The following DNAH17 variants were observed in gnomAD, a reference collection of about 807,000 sequenced individuals.
DNAH17 encodes dynein axonemal heavy chain 17, also known as axonemal beta dynein heavy chain 17.
A neutral mutation model predicts 485.6 loss-of-function variants in DNAH17; 376 were observed. That is an observed-to-expected ratio of 0.77 (90% CI 0.71 to 0.84). The LOEUF (loss-of-function observed/expected upper bound fraction) is 0.84, where lower values mean the gene tolerates loss of function less well. DNAH17 is among the 40% of genes least tolerant of loss of function. DNAH17 has a pLI of 0.00. For missense variants in DNAH17, 6,370 were observed against 5,839.3 expected (o/e 1.09, Z -2.96); for synonymous variants, 3,031 against 2,405.9 (o/e 1.26, Z -7.60).
intron 75 of DNAH17, among the ~76,000 whole-genome samples, chr17:78,430,930 G>C (rs2086648473): frequency 6.6e-6 from 1 of 152,032 alleles, no homozygotes; most frequent in African/African-American, 2.4e-5. Context: ...TCCCAGGCTG[G>C]AGTGCAGTGG....
In DNAH17 at chr17:78,503,527, C is replaced by T. The variant is rs545470446; in HGVS notation, c.4957-516G>A. On this transcript the variant is annotated intron_variant, in intron 31 of 80. Coordinates refer to ENST00000389840, the MANE Select transcript of DNAH17 (RefSeq NM_173628.4). ...ATTGAGATAGGATCTCGCTCTGCTG[C>T]CCCGGCTGCTGTGCAGTAACTGCAG... Among the ~76,000 whole-genome samples, 11 of 152,062 alleles carry T rather than the reference C, an allele frequency of 7.2e-5. No homozygotes were observed. In the South Asian group the frequency reaches 2.3e-3, roughly 32 times the overall value.
intron 16 of DNAH17, among the ~76,000 whole-genome samples, chr17:78,548,482 G>C (rs1045916893): frequency 9.8e-5 from 15 of 152,292 alleles, no homozygotes; most frequent in Admixed American, 7.2e-4. Flanking sequence ...GGGATTACAC[G>C]CATGAGCCAC....
In DNAH17 at chr17:78,426,567, G is replaced by C. The variant is rs752698632; in HGVS notation, c.12805C>G (p.Leu4269Val). ...ELTITTDVED[L>V]STALFYDTVP... is the part of the protein sequence containing the mutation. ...GTGTCATAGAAGAGAGCCGTGGACA[G>C]ATCTTCCACGTCGGTCGTGATGGTC... The change falls in exon 79 of 81, where the codon CTG becomes GTG. Residue 4269 changes from leucine (L) to valine (V), a missense_variant. Coordinates refer to ENST00000389840, the MANE Select transcript of DNAH17 (RefSeq NM_173628.4). 1.2e-5 allele frequency: 19 copies of C among 1,612,508 alleles called. No individual in the cohort carries two copies. Among genetic ancestry groups the C allele is most frequent in the East Asian group, 2.2e-5 (1 of 44,816 alleles).
intron 44 of DNAH17, among the ~76,000 whole-genome samples, chr17:78,489,050 G>A (rs549895329): frequency 1.6e-4 from 25 of 152,268 alleles, no homozygotes; most frequent in African/African-American, 5.3e-4. Flanking sequence ...TTCAGCAGCT[G>A]GAGAATGCTG....
At chr17:78,465,299 G>A (rs1270016216) in intron 56 of DNAH17, among the ~76,000 whole-genome samples, 7 of 151,548 alleles carry the variant, frequency 4.6e-5, no homozygotes, top group Admixed American at 3.9e-4. Flanking sequence ...CCTCCCAGCT[G>A]CCTGCCTTGG....
chr17:78,459,237 G>A (rs763898872), intron 60 of DNAH17, 29 bp from the exon 61 acceptor site: 52 of 1,604,396 alleles, frequency 3.2e-5, no homozygotes, highest in East Asian at 2.2e-4. Context: ...GGCCGGAGTC[G>A]TCACCCTGTC....
At chr17:78,432,909 C>CT (rs144054689) in intron 75 of DNAH17, among the ~76,000 whole-genome samples, 13 of 120,662 alleles carry the variant, frequency 1.1e-4, no homozygotes, top group East Asian at 2.7e-4. Context: ...CGTGCCCCCC[C>CT]CCCCCGACCC....
chr17:78,537,191 G>GAAA, intron 19 of DNAH17, 108 bp downstream of exon 19: 2 of 1,175,410 alleles, frequency 1.7e-6, no homozygotes, highest in African/African-American at 3.3e-5. Flanking sequence ...AAAAAAAAAA[G>GAAA]AAAAAAAGAA....
chr17:78,464,774 C>A (rs967671727), intron 56 of DNAH17, among the ~76,000 whole-genome samples: 3 of 152,318 alleles, frequency 2.0e-5, no homozygotes, highest in Non-Finnish European at 2.9e-5. Context: ...GGCCCTGGAG[C>A]CTTGGCTGCG....
chr17:78,488,987 C>A (rs776325036), intron 44 of DNAH17, among the ~76,000 whole-genome samples: 1 of 152,110 alleles, frequency 6.6e-6, no homozygotes, highest in Non-Finnish European at 1.5e-5. Flanking sequence ...GCCTCCAGCA[C>A]TGGGAGAGGA....
At chr17:78,487,026 G>C (rs1163337622) in intron 44 of DNAH17, among the ~76,000 whole-genome samples, 2 of 141,182 alleles carry the variant, frequency 1.4e-5, no homozygotes, top group African/African-American at 2.6e-5. Context: ...GTTAGTTTGA[G>C]TTGAATTTGC....
chr17:78,494,465 A>G, intron 40 of DNAH17, 128 bp downstream of exon 40: 1 of 1,124,586 alleles, frequency 8.9e-7, no homozygotes, highest in Non-Finnish European at 1.3e-6. Context: ...GCTGTGGCTC[A>G]GAGGTCTCTT....
At chr17:78,525,835 A>T (rs1306181745) in intron 24 of DNAH17, among the ~76,000 whole-genome samples, 1 of 152,250 alleles carries the variant, frequency 6.6e-6, no homozygotes, top group Non-Finnish European at 1.5e-5. Flanking sequence ...TGGCTTGAGG[A>T]ATGCGACATG....
chr17:78,455,567 TC>T, intron 63 of DNAH17, 76 bp downstream of exon 63: 1 of 1,161,440 alleles, frequency 8.6e-7, no homozygotes, highest in Non-Finnish European at 1.2e-6. Flanking sequence ...CCTCAAGTAA[TC>T]CGCCCGCCTC....
At chr17:78,512,639 T>C (rs1331109429) in intron 26 of DNAH17, among the ~76,000 whole-genome samples, 5 of 152,072 alleles carry the variant, frequency 3.3e-5, no homozygotes, top group African/African-American at 1.2e-4. Flanking sequence ...CTACCAAGAA[T>C]GATAGAAGTT....
At chr17:78,476,815 A>C in intron 51 of DNAH17, 82 bp from the exon 52 acceptor site, 1 of 1,494,956 alleles carries the variant, frequency 6.7e-7, no homozygotes, top group Non-Finnish European at 9.0e-7. Context: ...CCTGAGGAGC[A>C]GCCCCCTCCC....
chr17:78,426,220 G>T (rs2086451349), intron 79 of DNAH17, among the ~76,000 whole-genome samples: 1 of 149,932 alleles, frequency 6.7e-6, no homozygotes, highest in South Asian at 2.1e-4. Context: ...GCTTGAGGAG[G>T]AGCTGATGGA....
chr17:78,503,927 T>C (rs978145900), intron 31 of DNAH17, among the ~76,000 whole-genome samples: 2 of 150,798 alleles, frequency 1.3e-5, no homozygotes, highest in African/African-American at 2.4e-5. Flanking sequence ...GATCGTGCCA[T>C]TGCACTCCAG....
rs544298722 is a variant in DNAH17 at position 78,505,225 on chromosome 17, G to A, written c.4956+68C>T. ...GGTTCTCCGGACATCGCCATCTGAG[G>A]GCGTGTGGCCCACACGCGTGCTGCA... On this transcript the variant is annotated intron_variant, in intron 31 of 80. Coordinates refer to ENST00000389840, the MANE Select transcript of DNAH17 (RefSeq NM_173628.4). The A allele has an allele frequency of 1.1e-5, 17 of 1,575,986 alleles. No homozygotes were observed. In the East Asian group the frequency reaches 3.6e-4, roughly 34 times the overall value.
Sources: gnomAD v4.1 joint callset for allele counts (sites outside exome capture counted in the v4.1 genomes callset) on GRCh38, gnomAD v4.1.1 for gene constraint, MANE v1.5 for transcripts, NCBI Gene and HGNC (gene_info 2026-07-23, HGNC 2026-07-21) for gene names.